Variants in SPAST observed in about 807,000 individuals in gnomAD.
SPAST encodes spastic paraplegia 4 (autosomal dominant; spastin).
SPAST carries 30 observed loss-of-function variants against 76.6 expected under a neutral mutation model. The observed-to-expected ratio is 0.39, with a 90% CI of 0.29 to 0.53. The LOEUF (loss-of-function observed/expected upper bound fraction) is 0.53, where lower values mean the gene tolerates loss of function less well. Among genes scored for constraint, SPAST ranks in the 20% least tolerant of loss-of-function variants. The pLI, the probability that SPAST is intolerant of heterozygous loss-of-function variation, is 0.68. For missense variants in SPAST, 717 were observed against 770.5 expected, an observed-to-expected ratio of 0.93 and a Z score of 0.82; for synonymous variants, 305 against 281.0, an observed-to-expected ratio of 1.09 and a Z score of -0.86.
At chr2:32,140,351 A>G (rs1679675905) in intron 12 of SPAST, among the ~76,000 whole-genome samples, 1 of 152,096 alleles carries the variant, frequency 6.6e-6, no homozygotes, top group Admixed American at 6.6e-5. Flanking sequence ...AAGCTCTTAC[A>G]TTTCACTGGG....
At chr2:32,079,821 C>T (rs1677131158) in intron 1 of SPAST, among the ~76,000 whole-genome samples, 1 of 152,230 alleles carries the variant, frequency 6.6e-6, no homozygotes, top group African/African-American at 2.4e-5. Context: ...GCATGAGCCA[C>T]TGTGTGCAGC....
Position 32,064,156 on chromosome 2 carries a change from C to T in SPAST, c.325C>T (p.Pro109Ser). 1.9e-6 allele frequency: 3 copies of T among 1,556,076 alleles called. No homozygotes were observed. The highest frequency in any genetic ancestry group is 2.6e-6 in the Non-Finnish European group (3 of 1,150,604). The stretch of plus-strand genomic sequence containing the variant: ...CTCGGCCTCGGCCCCGGCGCCGGTG[C>T]CGGGCGGCGAGGCCGAGCGCGTCCG... ...PASASAPAPVPGGEAERVRVF... is the reference protein window; with the variant it reads ...PASASAPAPVSGGEAERVRVF... The change falls in exon 1 of 17, where the codon CCG becomes TCG. Residue 109 changes from proline to serine, a missense_variant. Coordinates refer to ENST00000315285, the MANE Select transcript of SPAST (RefSeq NM_014946.4).
chr2:32,067,082 G>C (rs1319975202), intron 1 of SPAST, among the ~76,000 whole-genome samples: 1 of 151,414 alleles, frequency 6.6e-6, no homozygotes. Context: ...TTATTTTTGA[G>C]ACGGAGTCTC....
chr2:32,140,603 C>A (rs1156888182), intron 12 of SPAST, among the ~76,000 whole-genome samples: 1 of 150,740 alleles, frequency 6.6e-6, no homozygotes, highest in Non-Finnish European at 1.5e-5. Context: ...GGGGACAGAG[C>A]AAGGCTCTGT....
intron 1 of SPAST, among the ~76,000 whole-genome samples, chr2:32,068,342 G>T (rs1676609391): frequency 2.8e-5 from 4 of 142,366 alleles, no homozygotes; most frequent in South Asian, 4.4e-4. Context: ...TTTTTTTTGA[G>T]GCAGAGTCTC....
chr2:32,063,718 C>G lies in SPAST; in HGVS notation c.-114C>G. 3 of 1,414,512 alleles carry G rather than the reference C, an allele frequency of 2.1e-6. No individual in the cohort carries two copies. The highest frequency in any genetic ancestry group is 5.0e-5 in the East Asian group (2 of 39,650). 87.6% of individuals were successfully genotyped at this position (1,414,512 alleles called of 1,614,324 possible). A position where few individuals can be genotyped will look rare whatever the true frequency, so the allele number is the denominator to read the frequency against. ...TGCGGCAGTGCGGAGCTCCTGAGAC[C>G]GGCGGGCACACGGGGGTCTGTGGCC... is the stretch of plus-strand genomic sequence containing the variant. On this transcript the variant is annotated 5_prime_UTR_variant, in exon 1 of 17. Transcript: ENST00000315285.
intron 1 of SPAST, among the ~76,000 whole-genome samples, chr2:32,079,116 C>G (rs570364004): frequency 1.3e-5 from 2 of 152,218 alleles, no homozygotes; most frequent in South Asian, 4.1e-4. Flanking sequence ...GTTGAGAGAA[C>G]AGGTGTGAAC....
Position 32,157,428 on chromosome 2 carries a change from C to G in SPAST, c.*2932C>G, listed in dbSNP as rs2148771879. On this transcript the variant is annotated 3_prime_UTR_variant, in exon 17 of 17. Transcript: ENST00000315285. ...CCGTCTTTGTTTATAGTGTAGAATT[C>G]TTTATATTTTGTACAAAAACTAATT... is the stretch of plus-strand genomic sequence containing the variant. 6.6e-6 allele frequency: 1 copy of G among 152,646 alleles called. No homozygotes were observed. The highest frequency in any genetic ancestry group is 1.9e-4 in the East Asian group (1 of 5,182). The allele number at this position is 152,646 out of a possible 1,614,324, so 9.5% of individuals were successfully genotyped here.
At chr2:32,073,171 A>G in intron 1 of SPAST, among the ~76,000 whole-genome samples, 1 of 152,224 alleles carries the variant, frequency 6.6e-6, no homozygotes, top group Admixed American at 6.5e-5. Context: ...GATGACAATT[A>G]AGGATAGTTA....
chr2:32,106,488 C>T (rs1678326130), intron 4 of SPAST, among the ~76,000 whole-genome samples: 1 of 152,200 alleles, frequency 6.6e-6, no homozygotes, highest in East Asian at 1.9e-4. Flanking sequence ...GTGAGATGAA[C>T]CCAGTTCCTC....
chr2:32,132,350 G>GCCA (rs1306559037), intron 9 of SPAST, among the ~76,000 whole-genome samples: 9 of 152,132 alleles, frequency 5.9e-5, no homozygotes, highest in Admixed American at 5.9e-4. Flanking sequence ...GAGAGATCAT[G>GCCA]CCACTGTACT....
chr2:32,066,599 T>G (rs1038436375), intron 1 of SPAST, among the ~76,000 whole-genome samples: 5 of 151,388 alleles, frequency 3.3e-5, no homozygotes, highest in African/African-American at 1.2e-4. Flanking sequence ...ACCTGGAAGG[T>G]GGAGGTTGCA....
intron 1 of SPAST, among the ~76,000 whole-genome samples, chr2:32,065,823 G>T (rs1676486677): frequency 6.6e-6 from 1 of 152,166 alleles, no homozygotes; most frequent in Admixed American, 6.6e-5. Context: ...GTGGGGCCTG[G>T]GAGTGGGAAG....
chr2:32,118,127 G>A (rs748142865), intron 7 of SPAST, among the ~76,000 whole-genome samples: 190 of 152,160 alleles, frequency 1.2e-3, no homozygotes, highest in African/African-American at 3.1e-3. Flanking sequence ...AAAATCTTAC[G>A]GACCTACCTG....
chr2:32,089,825 G>A (rs1179413146), intron 3 of SPAST, among the ~76,000 whole-genome samples: 3 of 151,812 alleles, frequency 2.0e-5, no homozygotes, highest in Admixed American at 6.6e-5. Context: ...GTGCAGTGGC[G>A]TGATCTTGGC....
At chr2:32,091,827 C>G (rs1325465029) in intron 3 of SPAST, among the ~76,000 whole-genome samples, 1 of 151,248 alleles carries the variant, frequency 6.6e-6, no homozygotes, top group African/African-American at 2.4e-5. Flanking sequence ...GAGCGAGACT[C>G]TGTCTCAAAA....
At position 32,156,929 on chromosome 2, in the gene SPAST, A is replaced by T. The variant is rs569779105; in HGVS notation, c.*2433A>T. The T allele has an allele frequency of 6.6e-6, 1 of 152,212 alleles. No homozygotes were observed. Among genetic ancestry groups the T allele is most frequent in the Non-Finnish European group, 1.5e-5 (1 of 68,016 alleles). The allele number at this position is 152,212 out of a possible 1,614,324, so 9.4% of individuals were successfully genotyped here. A position where few individuals can be genotyped will look rare whatever the true frequency, so the allele number is the denominator to read the frequency against. ...AGCTAGTGCTAGAGAACTATTTTCT[A>T]TGACTTAACTCTAACCAAGTTTTAT... On this transcript the variant is annotated 3_prime_UTR_variant, in exon 17 of 17. Transcript: ENST00000315285.
intron 4 of SPAST, among the ~76,000 whole-genome samples, chr2:32,109,672 T>C (rs1678458409): frequency 6.7e-6 from 1 of 149,758 alleles, no homozygotes; most frequent in South Asian, 2.1e-4. Flanking sequence ...CTTCATATAT[T>C]AATATAACTA....
At chr2:32,085,741 A>G (rs1190646488) in intron 1 of SPAST, among the ~76,000 whole-genome samples, 1 of 152,058 alleles carries the variant, frequency 6.6e-6, no homozygotes, top group African/African-American at 2.4e-5. Flanking sequence ...GGTGTTTATA[A>G]TAAGACTTCA....
Sources: allele counts gnomAD v4.1 joint callset (sites outside exome capture counted in the v4.1 genomes callset), GRCh38; gene constraint gnomAD v4.1.1; transcripts MANE v1.5; gene names NCBI Gene and HGNC (gene_info 2026-07-23, HGNC 2026-07-21).